CAB39L: variants seen among roughly 807,000 people sequenced by gnomAD.
CAB39L encodes the protein calcium-binding protein 39-like.
A neutral mutation model predicts 39.1 loss-of-function variants in CAB39L; 23 were observed. The observed-to-expected ratio is 0.59, with a 90% CI of 0.42 to 0.83. The LOEUF is 0.83. CAB39L is among the 40% of genes least tolerant of loss of function. The pLI, the probability that CAB39L is intolerant of heterozygous loss-of-function variation, is 0.00. For synonymous variants in CAB39L, 126 were observed against 137.2 expected (o/e 0.92, Z 0.57); for missense variants, 366 against 391.9 (o/e 0.93, Z 0.56).
Position 49,329,545 on chromosome 13 carries a change from ATATATATATATATATATATATATATATAT to A in CAB39L, c.834+2373_834+2401del, listed in dbSNP as rs1430051503. 4.4e-3 allele frequency among the ~76,000 whole-genome samples: 369 copies of A among 84,502 alleles called. 26 individuals carry two copies. Among genetic ancestry groups the A allele is most frequent in the Admixed American group, 9.0e-3 (61 of 6,776 alleles). 55.4% of individuals were successfully genotyped at this position (84,502 alleles called of 152,430 possible). On this transcript the variant is annotated intron_variant, in intron 10 of 10. Transcript: ENST00000409308. ...CATATCTCTTCAATTAAAAAAAAAAATATATATATATATATATATATATATATATATATATATATATATATATATATAAT... is the reference window on the plus strand; with the variant it reads ...CATATCTCTTCAATTAAAAAAAAAAAATATATATATATATATATATATAAT...
chr13:49,362,494 T>C (rs1449770404), intron 5 of CAB39L, among the ~76,000 whole-genome samples: 1 of 151,448 alleles, frequency 6.6e-6, no homozygotes. Flanking sequence ...ACTGATCAAG[T>C]AGAAGAAAGA....
chr13:49,320,882 G>A (rs1954318682), intron 10 of CAB39L, among the ~76,000 whole-genome samples: 1 of 152,118 alleles, frequency 6.6e-6, no homozygotes, highest in Admixed American at 6.6e-5. Context: ...CTGCAAGCTG[G>A]TTGGGTGTCT....
At chr13:49,316,249 G>A (rs1212099991) in intron 10 of CAB39L, among the ~76,000 whole-genome samples, 1 of 152,056 alleles carries the variant, frequency 6.6e-6, no homozygotes, top group African/African-American at 2.4e-5. Context: ...TGATGACATG[G>A]CCAAATTCCT....
At chr13:49,416,812 A>G (rs541553207) in intron 3 of CAB39L, among the ~76,000 whole-genome samples, 1 of 152,300 alleles carries the variant, frequency 6.6e-6, no homozygotes, top group South Asian at 2.1e-4. Context: ...CTGTATAAAT[A>G]TTAGCTAAGA....
chr13:49,432,838 C>T (rs1957349346), intron 3 of CAB39L, among the ~76,000 whole-genome samples: 1 of 152,188 alleles, frequency 6.6e-6, no homozygotes, highest in South Asian at 2.1e-4. Context: ...CTACCCAGAA[C>T]TGAATATCTT....
At chr13:49,331,465 C>CAAAACAA (rs1281218153) in intron 10 of CAB39L, among the ~76,000 whole-genome samples, 4 of 151,458 alleles carry the variant, frequency 2.6e-5, no homozygotes, top group Non-Finnish European at 5.9e-5. Context: ...GACTCCATCT[C>CAAAACAA]AAAACAAAAA....
intron 3 of CAB39L, among the ~76,000 whole-genome samples, chr13:49,427,596 G>A (rs1957262995): frequency 6.6e-6 from 1 of 152,046 alleles, no homozygotes; most frequent in Admixed American, 6.6e-5. Flanking sequence ...GACTGATATG[G>A]GAAGACTGCT....
intron 3 of CAB39L, among the ~76,000 whole-genome samples, chr13:49,411,132 G>A (rs755441720): frequency 1.3e-4 from 19 of 151,940 alleles, no homozygotes; most frequent in South Asian, 2.1e-4. Context: ...ATCCCAGCCC[G>A]GTGTGGTGAC....
rs371620875 is a variant in CAB39L at position 49,312,170 on chromosome 13, C to T, written c.835-1177G>A. ...TTGGCCTCCCAAAGCTGTGGGATTA[C>T]AGGCATGAGCCACCATGCCTGGCCC... is the stretch of plus-strand genomic sequence containing the variant. On this transcript the variant is annotated intron_variant, in intron 10 of 10. Coordinates refer to ENST00000409308, the MANE Select transcript of CAB39L (RefSeq NM_001079670.3). Among the ~76,000 whole-genome samples the T allele has an allele frequency of 3.9e-5, 6 of 152,292 alleles. 2 individuals are homozygous for T. The highest frequency in any genetic ancestry group is 2.1e-4 in the South Asian group (1 of 4,824).
At chr13:49,315,891 A>AG (rs1002295192) in intron 10 of CAB39L, among the ~76,000 whole-genome samples, 6 of 151,542 alleles carry the variant, frequency 4.0e-5, no homozygotes, top group African/African-American at 1.4e-4. Flanking sequence ...TCTCAAAAAA[A>AG]AAAAAAAAGA....
At chr13:49,427,628 G>A (rs910748492) in intron 3 of CAB39L, among the ~76,000 whole-genome samples, 1 of 152,114 alleles carries the variant, frequency 6.6e-6, no homozygotes, top group Non-Finnish European at 1.5e-5. Context: ...GGTCAAGTCT[G>A]CAGTGAGCTG....
chr13:49,309,215 C>T lies in CAB39L; in HGVS notation c.*1599G>A, dbSNP rs1439706178. On this transcript the variant is annotated 3_prime_UTR_variant, in exon 11 of 11. Transcript: ENST00000409308. ...GCTGCCGGCCGGCCTCCTGCAAGGG[C>T]ACTGGCCAGGGAGGCCACAGCTGCC... 1.3e-5 allele frequency: 2 copies of T among 152,268 alleles called. No individual in the cohort carries two copies. The highest frequency in any genetic ancestry group is 4.8e-5 in the African/African-American group (2 of 41,474). The allele number at this position is 152,268 out of a possible 1,614,324, so 9.4% of individuals were successfully genotyped here. A position where few individuals can be genotyped will look rare whatever the true frequency, so the allele number is the denominator to read the frequency against.
At chr13:49,358,007 A>G (rs1030058262) in intron 6 of CAB39L, among the ~76,000 whole-genome samples, 3 of 152,228 alleles carry the variant, frequency 2.0e-5, no homozygotes, top group Non-Finnish European at 4.4e-5. Flanking sequence ...ATGGCAATGA[A>G]CAAAGTGATC....
intron 3 of CAB39L, among the ~76,000 whole-genome samples, chr13:49,418,872 T>A (rs1002522918): frequency 1.3e-5 from 2 of 152,158 alleles, no homozygotes; most frequent in African/African-American, 4.8e-5. Context: ...AGCAAACATA[T>A]TTTAAAAGCA....
rs537156196 is a variant in CAB39L at position 49,332,227 on chromosome 13, T to G, written c.691-137A>C. On this transcript the variant is annotated intron_variant, in intron 9 of 10. Transcript: ENST00000409308. ...TGAAAAAAATTAGAGTGTCCTTAAG[T>G]GCATCTCAAAGCACAGGCATAAAAG... 76 of 972,576 alleles carry G rather than the reference T, an allele frequency of 7.8e-5. No individual in the cohort carries two copies. The Middle Eastern group carries it at 9.0e-4, about 11-fold the overall frequency. 60.2% of individuals were successfully genotyped at this position (972,576 alleles called of 1,614,324 possible). A position where few individuals can be genotyped will look rare whatever the true frequency, so the allele number is the denominator to read the frequency against.
intron 3 of CAB39L, among the ~76,000 whole-genome samples, chr13:49,415,888 T>C (rs1957077389): frequency 6.6e-6 from 1 of 152,200 alleles, no homozygotes; most frequent in African/African-American, 2.4e-5. Context: ...TACTATGCCT[T>C]TTGTCTCTAA....
intron 2 of CAB39L, 43 bp from the exon 3 acceptor site, chr13:49,433,436 A>G (rs778720961): frequency 4.4e-5 from 19 of 435,736 alleles, no homozygotes; most frequent in South Asian, 3.0e-4. Context: ...TAAAGTCTTT[A>G]TAGTAAATCC....
At chr13:49,350,260 TA>T (rs1432952159) in intron 7 of CAB39L, among the ~76,000 whole-genome samples, 5 of 152,174 alleles carry the variant, frequency 3.3e-5, no homozygotes, top group African/African-American at 1.2e-4. Flanking sequence ...TGTGGACATT[TA>T]AAAATTTCAT....
At chr13:49,416,989 C>T (rs530724762) in intron 3 of CAB39L, among the ~76,000 whole-genome samples, 5 of 152,226 alleles carry the variant, frequency 3.3e-5, no homozygotes, top group East Asian at 3.9e-4. Flanking sequence ...AAATGTTAGT[C>T]TATAGTAATT....
Sources: allele counts gnomAD v4.1 joint callset (sites outside exome capture counted in the v4.1 genomes callset), GRCh38; gene constraint gnomAD v4.1.1; transcripts MANE v1.5; gene names NCBI Gene and HGNC (gene_info 2026-07-23, HGNC 2026-07-21).